RALGAPB: variants seen among roughly 807,000 people sequenced by gnomAD.
The protein encoded by RALGAPB is ral GTPase-activating protein subunit beta.
In RALGAPB, 25 loss-of-function variants were observed where a neutral mutation model predicts 161.1. That is an observed-to-expected ratio of 0.16 (90% CI 0.11 to 0.22). The LOEUF is 0.22. RALGAPB is among the 10% of genes least tolerant of loss of function. The pLI is 1.00. For missense variants in RALGAPB, 1,391 were observed against 1,815.2 expected, an observed-to-expected ratio of 0.77 and a Z score of 4.25; for synonymous variants, 629 against 626.1, an observed-to-expected ratio of 1.00 and a Z score of -0.07.
At chr20:38,519,980 G>A (rs994480701) in intron 9 of RALGAPB, among the ~76,000 whole-genome samples, 2 of 152,084 alleles carry the variant, frequency 1.3e-5, no homozygotes, top group African/African-American at 4.8e-5. Flanking sequence ...GCACGTTATG[G>A]GCACTTCAAA....
intron 6 of RALGAPB, among the ~76,000 whole-genome samples, chr20:38,514,492 C>T (rs943878271): frequency 1.3e-5 from 2 of 152,164 alleles, no homozygotes; most frequent in African/African-American, 4.8e-5. Flanking sequence ...TGGATACCTC[C>T]TTTAGGACAG....
chr20:38,568,663 G>C (rs1368947462), intron 26 of RALGAPB: 1 of 152,136 alleles, frequency 6.6e-6, no homozygotes, highest in African/African-American at 2.4e-5. Context: ...AAATCCACTA[G>C]AACTATTGAG....
chr20:38,558,253 A>C (rs773693670), intron 22 of RALGAPB, 42 bp from the exon 23 acceptor site: 1 of 1,417,296 alleles, frequency 7.1e-7, no homozygotes, highest in Admixed American at 2.5e-5. Flanking sequence ...TAACAATGAA[A>C]GAAAATAGGT....
At chr20:38,510,200 G>A (rs1196462737) in intron 6 of RALGAPB, among the ~76,000 whole-genome samples, 1 of 151,702 alleles carries the variant, frequency 6.6e-6, no homozygotes, top group East Asian at 1.9e-4. Flanking sequence ...CAGAGATGGG[G>A]TCTTCCTACG....
intron 2 of RALGAPB, 46 bp downstream of exon 2, chr20:38,488,664 G>C (rs1414359119): frequency 6.5e-7 from 1 of 1,534,034 alleles, no homozygotes; most frequent in Non-Finnish European, 8.9e-7. Flanking sequence ...ATGTACATTT[G>C]TTCTTGAAGA....
intron 9 of RALGAPB, chr20:38,520,401 G>T (rs2086252178): frequency 1.2e-5 from 3 of 247,310 alleles, no homozygotes; most frequent in Non-Finnish European, 1.9e-5. Flanking sequence ...ATACTTTTCT[G>T]TGTTTTGAAT....
At chr20:38,506,976 G>A (rs1394518064) in intron 5 of RALGAPB, among the ~76,000 whole-genome samples, 1 of 152,188 alleles carries the variant, frequency 6.6e-6, no homozygotes, top group Non-Finnish European at 1.5e-5. Flanking sequence ...GCTCACACCT[G>A]TAATCCCAGC....
chr20:38,534,149 A>AG (rs1330096084), intron 15 of RALGAPB, among the ~76,000 whole-genome samples: 2 of 151,826 alleles, frequency 1.3e-5, no homozygotes, highest in Non-Finnish European at 2.9e-5. Context: ...AAAAAAAAAA[A>AG]AAAAAAACAG....
intron 5 of RALGAPB, among the ~76,000 whole-genome samples, chr20:38,506,538 C>T (rs2085768773): frequency 6.6e-6 from 1 of 152,236 alleles, no homozygotes; most frequent in Admixed American, 6.5e-5. Context: ...GAGCAGTCCT[C>T]CTGCCTTGGC....
chr20:38,530,559 A>G (rs542801249), intron 13 of RALGAPB, among the ~76,000 whole-genome samples: 6 of 150,548 alleles, frequency 4.0e-5, no homozygotes, highest in East Asian at 3.9e-4. Context: ...TGCCCGGCCA[A>G]TTTTAACTTT....
At chr20:38,548,644 G>T (rs2087255682) in intron 19 of RALGAPB, 45 bp from the exon 20 acceptor site, 1 of 1,432,578 alleles carries the variant, frequency 7.0e-7, no homozygotes. Flanking sequence ...ATTTTAAATG[G>T]TTGTTGTCTG....
At chr20:38,525,750 T>C (rs2086443988) in intron 12 of RALGAPB, 145 bp from the exon 13 acceptor site, 4 of 876,688 alleles carry the variant, frequency 4.6e-6, no homozygotes, top group South Asian at 1.8e-5. Context: ...TATTAACATA[T>C]TGTTAGTGAC....
intron 22 of RALGAPB, among the ~76,000 whole-genome samples, chr20:38,557,564 T>C (rs1225627860): frequency 1.3e-5 from 2 of 152,230 alleles, no homozygotes; most frequent in Non-Finnish European, 2.9e-5. Context: ...TTTGTACTGT[T>C]TCTCTATAGT....
intron 28 of RALGAPB, among the ~76,000 whole-genome samples, chr20:38,572,194 G>A (rs1411070171): frequency 1.3e-5 from 2 of 152,060 alleles, no homozygotes; most frequent in Non-Finnish European, 2.9e-5. Context: ...ATGTTTCTAA[G>A]CAAAATGTAA....
At chr20:38,492,570 A>T (rs1307970798) in intron 2 of RALGAPB, among the ~76,000 whole-genome samples, 2 of 152,180 alleles carry the variant, frequency 1.3e-5, no homozygotes, top group African/African-American at 2.4e-5. Context: ...CTTAAACATT[A>T]AGTGGAGAAA....
intron 18 of RALGAPB, among the ~76,000 whole-genome samples, chr20:38,543,345 T>TA (rs1270240507): frequency 6.6e-6 from 1 of 152,256 alleles, no homozygotes; most frequent in African/African-American, 2.4e-5. Flanking sequence ...GTGACTGAGT[T>TA]AAACAGACTT....
intron 2 of RALGAPB, among the ~76,000 whole-genome samples, chr20:38,489,917 C>T (rs181403440): frequency 3.3e-5 from 5 of 152,160 alleles, no homozygotes; most frequent in Admixed American, 6.5e-5. Context: ...AGAGATGGTA[C>T]GTGAGTAGAT....
At chr20:38,540,358 A>G (rs985530727) in intron 17 of RALGAPB, among the ~76,000 whole-genome samples, 4 of 152,206 alleles carry the variant, frequency 2.6e-5, no homozygotes, top group African/African-American at 9.7e-5. Context: ...CTATCGAAAA[A>G]TGTTACTCCA....
intron 11 of RALGAPB, 85 bp downstream of exon 11, chr20:38,525,030 C>A: frequency 1.5e-6 from 2 of 1,339,132 alleles, no homozygotes; most frequent in Non-Finnish European, 2.1e-6. Flanking sequence ...CTAATGTATC[C>A]TGTCCAGTTG....
Sources: allele counts gnomAD v4.1 joint callset (sites outside exome capture counted in the v4.1 genomes callset), GRCh38; gene constraint gnomAD v4.1.1; transcripts MANE v1.5; gene names NCBI Gene and HGNC (gene_info 2026-07-23, HGNC 2026-07-21).